Variants in SPATS2L observed in about 807,000 individuals in gnomAD.
SPATS2L encodes the protein SPATS2-like protein.
Under a neutral mutation model 59.6 loss-of-function variants are expected in SPATS2L, and 30 were observed. The observed-to-expected ratio is 0.50, with a 90% CI of 0.38 to 0.68. The LOEUF is 0.68. SPATS2L is among the 30% of genes least tolerant of loss of function. The pLI is 0.00. For missense variants in SPATS2L, 615 were observed against 700.0 expected, an observed-to-expected ratio of 0.88 and a Z score of 1.37; for synonymous variants, 252 against 263.5, an observed-to-expected ratio of 0.96 and a Z score of 0.42.
At chr2:200,382,868 G>T (rs906620577) in intron 2 of SPATS2L, among the ~76,000 whole-genome samples, 2 of 152,108 alleles carry the variant, frequency 1.3e-5, no homozygotes, top group Non-Finnish European at 2.9e-5. Flanking sequence ...ATATATTTTT[G>T]AAAAGATTAT....
At chr2:200,329,300 C>A in intron 1 of SPATS2L, 131 bp from the exon 2 acceptor site, 1 of 742,438 alleles carries the variant, frequency 1.3e-6, no homozygotes, top group South Asian at 1.7e-5. Flanking sequence ...GCTGTTAAGT[C>A]ATGGGTGAGG....
intron 2 of SPATS2L, among the ~76,000 whole-genome samples, chr2:200,375,720 G>A (rs968602175): frequency 2.6e-5 from 4 of 152,098 alleles, no homozygotes; most frequent in East Asian, 1.9e-4. Flanking sequence ...TCCACCTCCC[G>A]GGCTCAAGTG....
intron 11 of SPATS2L, 150 bp downstream of exon 11, chr2:200,470,166 C>T (rs2086917462): frequency 3.2e-6 from 2 of 619,340 alleles, no homozygotes; most frequent in African/African-American, 1.9e-5. Flanking sequence ...ACACAAGTCA[C>T]CAGAAATGTC....
chr2:200,349,957 G>A (rs1574464392), intron 2 of SPATS2L, among the ~76,000 whole-genome samples: 2 of 152,160 alleles, frequency 1.3e-5, no homozygotes, highest in Non-Finnish European at 2.9e-5. Context: ...ACTGCCCCAG[G>A]CTATTGAATG....
intron 6 of SPATS2L, among the ~76,000 whole-genome samples, chr2:200,433,783 A>G (rs1263280085): frequency 6.6e-6 from 1 of 152,100 alleles, no homozygotes; most frequent in Non-Finnish European, 1.5e-5. Context: ...GAAATAGAAA[A>G]TCTGAATAAC....
rs140307711 is a variant in SPATS2L at position 200,424,160 on chromosome 2, C to G, written c.445+4664C>G. 2.1e-3 allele frequency among the ~76,000 whole-genome samples: 325 copies of G among 152,158 alleles called. 1 individual carries two copies. Among genetic ancestry groups the G allele is most frequent in the African/African-American group, 7.5e-3 (310 of 41,512 alleles). ...AATCCAATCAAAATCATCCTGGGCT[C>G]AAATACAAAATCAGGCAAAGAGTAG... On this transcript the variant is annotated intron_variant, in intron 6 of 12. Coordinates refer to ENST00000409140, the MANE Select transcript of SPATS2L (RefSeq NM_001100423.2).
chr2:200,369,722 G>A (rs2081370656), intron 2 of SPATS2L, among the ~76,000 whole-genome samples: 1 of 152,072 alleles, frequency 6.6e-6, no homozygotes, highest in South Asian at 2.1e-4. Context: ...AATGGTGACA[G>A]AATAATCCAG....
Position 200,473,032 on chromosome 2 carries a change from A to G in SPATS2L, c.1261A>G (p.Thr421Ala). The G allele has an allele frequency of 1.2e-6, 2 of 1,613,122 alleles. No homozygotes were observed. Among genetic ancestry groups the G allele is most frequent in the Non-Finnish European group, 8.5e-7 (1 of 1,179,644 alleles). ...CAGCACCGCCGACCCCTCTCACCAG[A>G]CCATGCCGGCCAACAAGCAGGTAAG... ...LPSTADPSHQ[T>A]MPANKQNGSS... Residue 421 changes from threonine (T) to alanine (A), a missense_variant, in exon 12 of 13, where the codon ACC becomes GCC. Around this residue, in one of 3 missense-constraint regions of SPATS2L, gnomAD observed 284 missense variants for 280.1 expected, o/e 1.01. Coordinates refer to ENST00000409140, the MANE Select transcript of SPATS2L (RefSeq NM_001100423.2).
chr2:200,306,321 GT>G, upstream of SPATS2L: 1 of 1,002,386 alleles, frequency 1.0e-6, no homozygotes, highest in Non-Finnish European at 1.2e-6. Flanking sequence ...CTTGCAACAC[GT>G]GCGGATTGTG....
At chr2:200,331,843 C>T (rs2079953581) in intron 2 of SPATS2L, among the ~76,000 whole-genome samples, 1 of 152,200 alleles carries the variant, frequency 6.6e-6, no homozygotes. Context: ...GCAGATTTTG[C>T]TCGTACCACA....
At chr2:200,416,729 TTAAC>T (rs969247555) in intron 5 of SPATS2L, among the ~76,000 whole-genome samples, 1 of 152,112 alleles carries the variant, frequency 6.6e-6, no homozygotes, top group African/African-American at 2.4e-5. Flanking sequence ...ATTCAAAACA[TTAAC>T]TTGCCTGAAC....
At chr2:200,399,293 T>C (rs1164848979) in intron 3 of SPATS2L, among the ~76,000 whole-genome samples, 1 of 152,204 alleles carries the variant, frequency 6.6e-6, no homozygotes, top group Non-Finnish European at 1.5e-5. Context: ...CTATTTTACA[T>C]GCTTCATATG....
intron 2 of SPATS2L, among the ~76,000 whole-genome samples, chr2:200,386,483 G>A (rs183056862): frequency 1.3e-4 from 20 of 152,228 alleles, no homozygotes; most frequent in East Asian, 1.2e-3. Flanking sequence ...GTTTTCTTAC[G>A]AATATAGCTT....
intron 2 of SPATS2L, among the ~76,000 whole-genome samples, chr2:200,378,962 G>T (rs928692018): frequency 1.3e-5 from 2 of 152,164 alleles, no homozygotes; most frequent in African/African-American, 4.8e-5. Context: ...AACAGCAAGC[G>T]TGCCTCTAAT....
chr2:200,403,466 A>T (rs1408808170), intron 3 of SPATS2L, among the ~76,000 whole-genome samples: 1 of 152,196 alleles, frequency 6.6e-6, no homozygotes, highest in African/African-American at 2.4e-5. Context: ...CTGGGACCAC[A>T]TACTGGCAAT....
At chr2:200,465,855 A>G (rs1482824052) in intron 9 of SPATS2L, among the ~76,000 whole-genome samples, 1 of 152,050 alleles carries the variant, frequency 6.6e-6, no homozygotes, top group African/African-American at 2.4e-5. Flanking sequence ...ACATGGTGAA[A>G]CCCCGTCTCT....
intron 6 of SPATS2L, among the ~76,000 whole-genome samples, chr2:200,435,409 T>G (rs2043766): frequency 0.46 from 69,241 of 151,884 alleles, 15,864 homozygotes; most frequent in East Asian, 0.58. Context: ...AGGCAGATGG[T>G]GTGTTTCCAG....
At chr2:200,458,360 T>A (rs369455020) in intron 8 of SPATS2L, among the ~76,000 whole-genome samples, 12 of 152,204 alleles carry the variant, frequency 7.9e-5, no homozygotes, top group African/African-American at 2.4e-4. Context: ...TTTGATTAAA[T>A]TCAGTCTCAT....
At chr2:200,425,618 T>G (rs2083523884) in intron 6 of SPATS2L, among the ~76,000 whole-genome samples, 1 of 152,230 alleles carries the variant, frequency 6.6e-6, no homozygotes, top group South Asian at 2.1e-4. Flanking sequence ...TATAAAGTGA[T>G]TAGCTCAGCA....
Sources: gnomAD v4.1 joint callset for allele counts (sites outside exome capture counted in the v4.1 genomes callset) on GRCh38, gnomAD v4.1.1 for gene constraint, gnomAD v4.1.1 regional missense constraint, MANE v1.5 for transcripts, NCBI Gene and HGNC (gene_info 2026-07-23, HGNC 2026-07-21) for gene names.